SLC44A5: variants seen among roughly 807,000 people sequenced by gnomAD.
SLC44A5 encodes the protein solute carrier family 44 member 5.
SLC44A5 carries 57 observed loss-of-function variants against 101.8 expected under a neutral mutation model. The observed-to-expected ratio is 0.56, with a 90% CI of 0.45 to 0.70. The LOEUF (loss-of-function observed/expected upper bound fraction) is 0.70. SLC44A5 is among the 30% of genes least tolerant of loss of function. The pLI, the probability that SLC44A5 is intolerant of heterozygous loss-of-function variation, is 0.00. For synonymous variants in SLC44A5, 281 were observed against 290.9 expected, an observed-to-expected ratio of 0.97 and a Z score of 0.35; for missense variants, 737 against 853.1, an observed-to-expected ratio of 0.86 and a Z score of 1.70.
chr1:75,499,415 G>A (rs1668836498), intron 2 of SLC44A5, among the ~76,000 whole-genome samples: 1 of 152,174 alleles, frequency 6.6e-6, no homozygotes, highest in East Asian at 1.9e-4. Flanking sequence ...CAGAACTCAG[G>A]CAGTAATGCC....
chr1:75,373,207 A>C (rs182051332), intron 3 of SLC44A5, among the ~76,000 whole-genome samples: 14 of 152,270 alleles, frequency 9.2e-5, no homozygotes, highest in African/African-American at 3.4e-4. Flanking sequence ...TTATACTTTG[A>C]AAAAATATTT....
At chr1:75,291,751 C>T (rs1429821190) in intron 5 of SLC44A5, among the ~76,000 whole-genome samples, 1 of 152,050 alleles carries the variant, frequency 6.6e-6, no homozygotes, top group Non-Finnish European at 1.5e-5. Flanking sequence ...TTGGCTCACA[C>T]CTGTAATCCC....
In SLC44A5 at chr1:75,497,443, TAGA is replaced by T. The variant is rs545012731; in HGVS notation, c.13+43989_13+43991del. 7.8e-4 allele frequency among the ~76,000 whole-genome samples: 118 copies of T among 152,202 alleles called. 1 individual carries two copies. The highest frequency in any genetic ancestry group is 2.6e-3 in the African/African-American group (110 of 41,540). ...GTGGAATCTAAAAAAGTCAAATTCATAGAAGAAGAGAGTACAATGGTGATTTCC... is the reference window on the plus strand; with the variant it reads ...GTGGAATCTAAAAAAGTCAAATTCATAGAAGAGAGTACAATGGTGATTTCC... On this transcript the variant is annotated intron_variant, in intron 2 of 23. Coordinates refer to ENST00000370859, the MANE Select transcript of SLC44A5 (RefSeq NM_001130058.2).
At chr1:75,241,928 T>G (rs892754468) in intron 9 of SLC44A5, 73 bp downstream of exon 9, 4 of 1,333,312 alleles carry the variant, frequency 3.0e-6, no homozygotes, top group African/African-American at 1.4e-5. Flanking sequence ...TCATCAATTG[T>G]GAAATACGGG....
At chr1:75,331,256 T>C (rs1436370640) in intron 4 of SLC44A5, among the ~76,000 whole-genome samples, 1 of 152,172 alleles carries the variant, frequency 6.6e-6, no homozygotes, top group African/African-American at 2.4e-5. Context: ...CACAGGCTGA[T>C]ATCTATTTAG....
At chr1:75,279,253 T>C (rs910440664) in intron 5 of SLC44A5, among the ~76,000 whole-genome samples, 19 of 152,138 alleles carry the variant, frequency 1.2e-4, no homozygotes, top group Admixed American at 1.0e-3. Context: ...TGTACCTCCA[T>C]GAGATCCACT....
intron 3 of SLC44A5, among the ~76,000 whole-genome samples, chr1:75,373,952 G>T (rs923368393): frequency 2.0e-5 from 3 of 152,190 alleles, no homozygotes; most frequent in Non-Finnish European, 2.9e-5. Flanking sequence ...TCAGAACACT[G>T]AGGGAGTGTG....
chr1:75,237,484 T>G (rs909811278), intron 10 of SLC44A5, among the ~76,000 whole-genome samples: 3 of 152,082 alleles, frequency 2.0e-5, no homozygotes, highest in African/African-American at 7.2e-5. Context: ...TACTAGAAAT[T>G]TCACAATCAT....
chr1:75,404,614 G>A (rs1056908157), intron 2 of SLC44A5, among the ~76,000 whole-genome samples: 10 of 152,154 alleles, frequency 6.6e-5, no homozygotes, highest in Admixed American at 4.6e-4. Context: ...ATAAGAAAAG[G>A]AGAAATAAAA....
At chr1:75,416,129 T>C (rs1249803) in intron 2 of SLC44A5, among the ~76,000 whole-genome samples, 61,164 of 152,016 alleles carry the variant, frequency 0.4, 13,430 homozygotes, top group African/African-American at 0.58. Context: ...GAAGTCTTCA[T>C]GGCAGCCCCT....
intron 2 of SLC44A5, among the ~76,000 whole-genome samples, chr1:75,498,864 C>T (rs1360732620): frequency 2.0e-5 from 3 of 152,174 alleles, no homozygotes; most frequent in Non-Finnish European, 4.4e-5. Context: ...TTTTTGCTAT[C>T]AGCAAATATA....
intron 2 of SLC44A5, among the ~76,000 whole-genome samples, chr1:75,494,658 C>A (rs931565804): frequency 1.1e-4 from 17 of 152,096 alleles, no homozygotes; most frequent in African/African-American, 4.1e-4. Flanking sequence ...CTCTAGCCAC[C>A]TTTATCTGAC....
chr1:75,622,922 C>T, the SLC44A5 span, among the ~76,000 whole-genome samples: 5 of 152,056 alleles, frequency 3.3e-5, no homozygotes, highest in South Asian at 4.1e-4. Flanking sequence ...GCATAAAAAA[C>T]AAATGGCATA....
intron 3 of SLC44A5, among the ~76,000 whole-genome samples, chr1:75,383,525 G>T (rs1160457478): frequency 6.6e-6 from 1 of 152,138 alleles, no homozygotes; most frequent in Non-Finnish European, 1.5e-5. Flanking sequence ...AAAAAGAAAT[G>T]AGCAAAGCCT....
At chr1:75,716,771 C>G in the SLC44A5 span, among the ~76,000 whole-genome samples, 1 of 152,240 alleles carries the variant, frequency 6.6e-6, no homozygotes, top group Non-Finnish European at 1.5e-5. Context: ...CTGGCTCATG[C>G]CTGTAATCCT....
chr1:75,226,957 C>T (rs1647210990), intron 13 of SLC44A5, among the ~76,000 whole-genome samples: 1 of 152,098 alleles, frequency 6.6e-6, no homozygotes, highest in South Asian at 2.1e-4. Context: ...TTCAAAAATG[C>T]AAATTTATTT....
intron 3 of SLC44A5, among the ~76,000 whole-genome samples, chr1:75,354,398 C>T (rs1249836): frequency 1 from 152,311 of 152,354 alleles, 76,134 homozygotes; most frequent in Middle Eastern, 1. Context: ...CTTACATATC[C>T]CATAGACTTG....
At chr1:75,548,365 A>G (rs1671762820) in intron 1 of SLC44A5, among the ~76,000 whole-genome samples, 1 of 152,170 alleles carries the variant, frequency 6.6e-6, no homozygotes. Flanking sequence ...ATGAAATTTA[A>G]TGATCTTTTA....
chr1:75,482,339 G>A (rs1245566595), intron 2 of SLC44A5, among the ~76,000 whole-genome samples: 2 of 151,982 alleles, frequency 1.3e-5, no homozygotes, highest in African/African-American at 4.8e-5. Flanking sequence ...GTTAATGGGT[G>A]TAGCACACCA....
Sources: gnomAD v4.1 joint callset for allele counts (sites outside exome capture counted in the v4.1 genomes callset) on GRCh38, gnomAD v4.1.1 for gene constraint, MANE v1.5 for transcripts, NCBI Gene and HGNC (gene_info 2026-07-23, HGNC 2026-07-21) for gene names.